The following ROBO2 variants were observed in gnomAD, a reference collection of about 807,000 sequenced individuals.
The protein encoded by ROBO2 is roundabout homolog 2.
Under a neutral mutation model 160.8 loss-of-function variants are expected in ROBO2, and 53 were observed. That is an observed-to-expected ratio of 0.33 (90% CI 0.26 to 0.41). The LOEUF is 0.41. Among genes scored for constraint, ROBO2 ranks in the 10% least tolerant of loss-of-function variants. The probability of loss-of-function intolerance (pLI) is 1.00; values close to 1 mark genes in which losing one functional copy is unlikely to be tolerated. For missense variants in ROBO2, 1,577 were observed against 1,722.4 expected (o/e 0.92, Z 1.49); for synonymous variants, 664 against 611.7 (o/e 1.09, Z -1.26).
intron 2 of ROBO2, among the ~76,000 whole-genome samples, chr3:77,347,282 C>A (rs946609580): frequency 2.0e-5 from 3 of 152,038 alleles, no homozygotes; most frequent in Non-Finnish European, 4.4e-5. Flanking sequence ...AAAATAGATA[C>A]CACTACTAAC....
intron 2 of ROBO2, among the ~76,000 whole-genome samples, chr3:76,864,205 T>C (rs1287836200): frequency 1.3e-5 from 2 of 152,116 alleles, no homozygotes; most frequent in African/African-American, 2.4e-5. Context: ...ATGTTTTTAT[T>C]TGATGGTTCT....
chr3:76,788,135 A>G (rs563574653), intron 2 of ROBO2, among the ~76,000 whole-genome samples: 1 of 151,600 alleles, frequency 6.6e-6, no homozygotes, highest in Non-Finnish European at 1.5e-5. Context: ...AAAAAAGAGA[A>G]GTATTGGGCA....
rs2153683650 is a variant in ROBO2, at chr3:77,588,884, A to G, written c.2634A>G (p.Ile878Met). ...GGGTAATTCTGATGGGTTTTAGCAT[A>G]TGGTTGTATTGGCGAAGAAAGAAGA... The change falls in exon 17 of 26, where the codon ATA becomes ATG. Residue 878 changes from isoleucine (I) to methionine (M), a missense_variant. Physicochemically the swap from Ile to Met is conservative, Grantham distance 10 (BLOSUM62 1). This residue lies in a region of ROBO2 where 940 missense variants were observed against 1,135.5 expected (regional missense o/e 0.83). Transcript: ENST00000461745. 2 of 1,613,522 alleles carry G rather than the reference A, an allele frequency of 1.2e-6. No homozygotes were observed. Among genetic ancestry groups the G allele is most frequent in the East Asian group, 4.5e-5 (2 of 44,854 alleles).
chr3:76,278,184 A>G (rs1708040437), intron 2 of ROBO2, among the ~76,000 whole-genome samples: 1 of 151,996 alleles, frequency 6.6e-6, no homozygotes, highest in African/African-American at 2.4e-5. Flanking sequence ...ACTGAAATCG[A>G]GTAGAATCAA....
chr3:76,507,594 AACAATAGC>A (rs535945333), intron 2 of ROBO2, among the ~76,000 whole-genome samples: 1 of 152,282 alleles, frequency 6.6e-6, no homozygotes, highest in Non-Finnish European at 1.5e-5. Flanking sequence ...GCTTAACAGT[AACAATAGC>A]ACAATACATA....
At chr3:77,140,776 A>T (rs147011374) in intron 2 of ROBO2, among the ~76,000 whole-genome samples, 29 of 152,276 alleles carry the variant, frequency 1.9e-4, no homozygotes, top group African/African-American at 6.3e-4. Flanking sequence ...TATATAATCA[A>T]ACATTTTTGT....
exon 23 of ROBO2, chr3:77,622,261 C>T (rs1355177267): frequency 6.2e-7 from 1 of 1,614,176 alleles, no homozygotes; most frequent in East Asian, 2.2e-5. Flanking sequence ...TCCACAGCCT[C>T]CAGTTCCACC....
chr3:76,624,360 C>G (rs535017106), intron 2 of ROBO2, among the ~76,000 whole-genome samples: 1 of 152,140 alleles, frequency 6.6e-6, no homozygotes, highest in African/African-American at 2.4e-5. Flanking sequence ...GATTGGTAGC[C>G]TCAAGTCACA....
intron 2 of ROBO2, among the ~76,000 whole-genome samples, chr3:77,201,553 ACT>A (rs1489199045): frequency 6.6e-6 from 1 of 152,062 alleles, no homozygotes; most frequent in African/African-American, 2.4e-5. Context: ...TATTTTAGAA[ACT>A]CATATATTTT....
intron 2 of ROBO2, among the ~76,000 whole-genome samples, chr3:76,591,589 G>C (rs1010907977): frequency 6.6e-6 from 1 of 151,984 alleles, no homozygotes; most frequent in Non-Finnish European, 1.5e-5. Flanking sequence ...ATAAACTCAG[G>C]TTAAAAACTC....
chr3:76,766,492 T>C (rs1979274), intron 2 of ROBO2, among the ~76,000 whole-genome samples: 124,148 of 151,622 alleles, frequency 0.82, 50,956 homozygotes, highest in Admixed American at 0.85. Context: ...GCTTGAGAAA[T>C]GAAAAGACAA....
chr3:77,617,766 C>A, exon 22 of ROBO2: 5 of 1,612,412 alleles, frequency 3.1e-6, no homozygotes, highest in Non-Finnish European at 4.2e-6. Flanking sequence ...TATAGCAAAA[C>A]AAACATGGTA....
rs191745315 is a variant in ROBO2, at chr3:77,153,677, G to A, written c.388+55337G>A. The stretch of plus-strand genomic sequence containing the variant: ...AGAAGTAGCCCCCATTCCTTCCTTC[G>A]AAATAACAACAACAATTCTACCAAC... On this transcript the variant is annotated intron_variant, in intron 2 of 25. Transcript: ENST00000461745. Among the ~76,000 whole-genome samples the A allele has an allele frequency of 5.3e-5, 8 of 152,052 alleles. No individual in the cohort carries two copies. The East Asian group carries it at 5.8e-4, about 11-fold the overall frequency.
intron 2 of ROBO2, chr3:75,937,662 T>A (rs77101234): frequency 3.7e-6 from 4 of 1,077,504 alleles, no homozygotes; most frequent in Non-Finnish European, 3.9e-6. Context: ...TTTATGATGA[T>A]ATTATGTGAG....
chr3:76,395,832 A>T (rs189814899), intron 2 of ROBO2, among the ~76,000 whole-genome samples: 3,189 of 152,232 alleles, frequency 0.021, 100 homozygotes, highest in African/African-American at 0.072. Flanking sequence ...AATAATCAAT[A>T]GCTTACCAAC....
chr3:76,553,640 AAAAT>A (rs1170183418), intron 2 of ROBO2, among the ~76,000 whole-genome samples: 2 of 152,206 alleles, frequency 1.3e-5, no homozygotes, highest in African/African-American at 2.4e-5. Flanking sequence ...TAAAATTATC[AAAAT>A]AAATCTGTGA....
intron 2 of ROBO2, among the ~76,000 whole-genome samples, chr3:77,141,414 C>T (rs1326268537): frequency 2.0e-5 from 3 of 152,086 alleles, no homozygotes; most frequent in African/African-American, 7.2e-5. Context: ...CTTTGCTTGT[C>T]TTCTGCTCTG....
At chr3:76,086,810 G>A (rs2069031997) in intron 2 of ROBO2, among the ~76,000 whole-genome samples, 1 of 151,944 alleles carries the variant, frequency 6.6e-6, no homozygotes, top group Non-Finnish European at 1.5e-5. Flanking sequence ...AAACAACTTG[G>A]AAGAACACAT....
chr3:76,703,549 T>C (rs1346163132), intron 2 of ROBO2, among the ~76,000 whole-genome samples: 1 of 151,964 alleles, frequency 6.6e-6, no homozygotes, highest in Non-Finnish European at 1.5e-5. Context: ...GTGTGTGATG[T>C]TCCCCTCCCT....
Sources: gnomAD v4.1 joint callset for allele counts (sites outside exome capture counted in the v4.1 genomes callset) on GRCh38, gnomAD v4.1.1 for gene constraint, gnomAD v4.1.1 regional missense constraint, MANE v1.5 for transcripts, NCBI Gene and HGNC (gene_info 2026-07-23, HGNC 2026-07-21) for gene names.